Variants in CYLC2 observed in about 807,000 individuals in gnomAD.
CYLC2 encodes the protein cylicin-2.
In CYLC2, 30 loss-of-function variants were observed where a neutral mutation model predicts 26.1. The observed-to-expected ratio is 1.15, with a 90% CI of 0.86 to 1.56. The LOEUF is 1.56. Ranked by LOEUF, CYLC2 falls within the 40% of genes most tolerant of loss-of-function variation. The pLI is 0.00. For missense variants in CYLC2, 498 were observed against 394.4 expected (o/e 1.26, Z -2.23); for synonymous variants, 158 against 132.8 (o/e 1.19, Z -1.31).
chr9:103,005,518 C>A lies in CYLC2; in HGVS notation c.887C>A (p.Ala296Asp). The A allele has an allele frequency of 6.2e-7, 1 of 1,612,130 alleles. No homozygotes were observed. The highest frequency in any genetic ancestry group is 8.5e-7 in the Non-Finnish European group (1 of 1,178,988). Reference protein sequence around the residue: ...DDVKKESKKDATKDAKKVAKK... With the variant: ...DDVKKESKKDDTKDAKKVAKK... ...GTCAAGAAAGAGTCTAAGAAGGACG[C>A]CACGAAAGATGCCAAGAAAGTTGCC... Residue 296 changes from alanine (A) to aspartate (D), a missense_variant, in exon 5 of 8, where the codon GCC becomes GAC. Transcript: ENST00000374798.
In CYLC2 at chr9:103,003,210, C is replaced by A; in HGVS notation, c.127C>A (p.Pro43Thr). Residue 43 changes from proline to threonine, a missense_variant, in exon 3 of 8, where the codon CCA (proline) becomes ACA (threonine). Pro to Thr is a conservative substitution (Grantham distance 38, BLOSUM62 -1). Coordinates refer to ENST00000374798, the MANE Select transcript of CYLC2 (RefSeq NM_001340.5). ...FALLFPKPQR[P>T]GTKRRSKPSQ... ...CCTGTTATTTCCCAAACCACAACGG[C>A]CAGGAACCAAAAGGAGATCAAAACC... The A allele has an allele frequency of 6.2e-7, 1 of 1,613,756 alleles. No individual in the cohort carries two copies. The highest frequency in any genetic ancestry group is 8.5e-7 in the Non-Finnish European group (1 of 1,179,862).
Position 103,003,127 on chromosome 9 carries a change from T to A in CYLC2, c.59-15T>A. On this transcript the variant is annotated splice_polypyrimidine_tract_variant and intron_variant, in intron 2 of 7. Coordinates refer to ENST00000374798, the MANE Select transcript of CYLC2 (RefSeq NM_001340.5). ...TATTCACTCCAAAATGTGTTTTTTG[T>A]CTCCCTTATTTTAGTCAGTGAATTA... The A allele has an allele frequency of 2.5e-6, 4 of 1,612,370 alleles. No individual in the cohort carries two copies. The highest frequency in any genetic ancestry group is 3.4e-6 in the Non-Finnish European group (4 of 1,179,284).
At chr9:103,010,291 T>C (rs1829393872) in intron 5 of CYLC2, among the ~76,000 whole-genome samples, 3 of 152,198 alleles carry the variant, frequency 2.0e-5, no homozygotes, top group Non-Finnish European at 4.4e-5. Context: ...TATTGCATAA[T>C]TATAATCATA....
intron 6 of CYLC2, among the ~76,000 whole-genome samples, chr9:103,012,529 T>A (rs771032049): frequency 2.6e-5 from 4 of 152,044 alleles, no homozygotes; most frequent in African/African-American, 7.2e-5. Context: ...CTTTTTTAAA[T>A]AATTCAAATG....
At chr9:103,016,809 A>G (rs1829511065) in intron 6 of CYLC2, 79 bp from the exon 7 acceptor site, 1 of 152,054 alleles carries the variant, frequency 6.6e-6, no homozygotes, top group South Asian at 2.1e-4. Context: ...ATGAGGCCCC[A>G]GTGCATAGCA....
At chr9:102,997,103 G>A (rs1056885631) in intron 1 of CYLC2, among the ~76,000 whole-genome samples, 3 of 151,636 alleles carry the variant, frequency 2.0e-5, no homozygotes, top group Admixed American at 2.0e-4. Context: ...TTACTATCCT[G>A]GTCTAGGGAT....
In CYLC2 at chr9:103,005,746, C is replaced by T; in HGVS notation, c.*68C>T. The stretch of plus-strand genomic sequence containing the variant: ...TATTTGATGAAACAATAGTGGTAGT[C>T]TGCAGCTGAATTTGTGAGAAAACAA... On this transcript the variant is annotated 3_prime_UTR_variant, in exon 5 of 8. Coordinates refer to ENST00000374798, the MANE Select transcript of CYLC2 (RefSeq NM_001340.5). 1.3e-6 allele frequency: 2 copies of T among 1,485,524 alleles called. No individual in the cohort carries two copies. Among genetic ancestry groups the T allele is most frequent in the Non-Finnish European group, 1.8e-6 (2 of 1,107,402 alleles). The allele number at this position is 1,485,524 out of a possible 1,614,324, so 92.0% of individuals were successfully genotyped here.
At chr9:103,014,978 T>C (rs2118274583) in intron 6 of CYLC2, among the ~76,000 whole-genome samples, 1 of 120,384 alleles carries the variant, frequency 8.3e-6, no homozygotes, top group East Asian at 2.5e-4. Context: ...TTATGTAGTA[T>C]ACATAATACA....
chr9:103,014,807 TATATTATGCA>T (rs1198868187), intron 6 of CYLC2, among the ~76,000 whole-genome samples: 2 of 86,888 alleles, frequency 2.3e-5, no homozygotes, highest in Non-Finnish European at 4.4e-5. Context: ...TATACGTATG[TATATTATGCA>T]ATATACATAT....
chr9:102,997,868 G>T (rs994856471), intron 1 of CYLC2, among the ~76,000 whole-genome samples: 2 of 151,800 alleles, frequency 1.3e-5, no homozygotes, highest in African/African-American at 4.8e-5. Flanking sequence ...CTTGGTTAAA[G>T]GTTTACCCCT....
At chr9:103,012,462 G>A (rs1184388847) in intron 6 of CYLC2, among the ~76,000 whole-genome samples, 1 of 151,864 alleles carries the variant, frequency 6.6e-6, no homozygotes, top group Non-Finnish European at 1.5e-5. Context: ...ATTTTCTAAG[G>A]GAGCACAGTT....
rs10990430 is a variant in CYLC2 at position 103,009,623 on chromosome 9, T to A, written c.*701-2359T>A. ...TTTTAAATGTACAGTTATTACTGACTATAGTCATTCCAATGTGCTATCAAA... is the reference window on the plus strand; with the variant it reads ...TTTTAAATGTACAGTTATTACTGACAATAGTCATTCCAATGTGCTATCAAA... On this transcript the variant is annotated intron_variant, in intron 5 of 7. Coordinates refer to ENST00000374798, the MANE Select transcript of CYLC2 (RefSeq NM_001340.5). 0.011 allele frequency among the ~76,000 whole-genome samples: 1,656 copies of A among 152,252 alleles called. 102 individuals are homozygous for A. The East Asian group carries it at 0.2, about 18-fold the overall frequency.
At chr9:103,004,015 T>C (rs1829314488) in intron 3 of CYLC2, among the ~76,000 whole-genome samples, 1 of 152,194 alleles carries the variant, frequency 6.6e-6, no homozygotes, top group African/African-American at 2.4e-5. Flanking sequence ...AGTTCTTTTT[T>C]TCTTGCTGAA....
chr9:103,003,209 G>T lies in CYLC2; in HGVS notation c.126G>T (p.Arg42=). The T allele has an allele frequency of 6.2e-7, 1 of 1,613,780 alleles. No individual in the cohort carries two copies. Among genetic ancestry groups the T allele is most frequent in the East Asian group, 2.2e-5 (1 of 44,832 alleles). The change falls in exon 3 of 8, where the codon CGG becomes CGT. Residue 42 remains arginine (R), a synonymous_variant. Transcript: ENST00000374798. ...CCCTGTTATTTCCCAAACCACAACG[G>T]CCAGGAACCAAAAGGAGATCAAAAC... is the stretch of plus-strand genomic sequence containing the variant. ...HFALLFPKPQ[R]PGTKRRSKPS... is the part of the protein sequence containing the mutation.
chr9:103,014,557 ACAT>A (rs1414379499), intron 6 of CYLC2, among the ~76,000 whole-genome samples: 1 of 143,638 alleles, frequency 7.0e-6, no homozygotes, highest in Non-Finnish European at 1.5e-5. Context: ...TATGCAGTAT[ACAT>A]CATATGTATA....
intron 7 of CYLC2, among the ~76,000 whole-genome samples, chr9:103,017,356 G>T (rs532480937): frequency 6.6e-6 from 1 of 151,864 alleles, no homozygotes; most frequent in South Asian, 2.1e-4. Context: ...CAAAGTAAAG[G>T]GCATCTGCAG....
chr9:103,011,036 C>T (rs929011775), intron 5 of CYLC2, among the ~76,000 whole-genome samples: 1 of 152,168 alleles, frequency 6.6e-6, no homozygotes, highest in African/African-American at 2.4e-5. Context: ...AAAATAACAA[C>T]TAGATATAAG....
chr9:103,003,756 T>C (rs368738493), intron 3 of CYLC2, among the ~76,000 whole-genome samples: 1 of 152,106 alleles, frequency 6.6e-6, no homozygotes, highest in East Asian at 1.9e-4. Context: ...TTAGAGTTAG[T>C]GTGAACATTC....
At chr9:103,001,495 C>T in intron 1 of CYLC2, 83 bp from the exon 2 acceptor site, 2 of 748,450 alleles carry the variant, frequency 2.7e-6, no homozygotes, top group Non-Finnish European at 4.5e-6. Flanking sequence ...TTGTTGGTTG[C>T]AGGTACTGGA....
Sources: allele counts gnomAD v4.1 joint callset (sites outside exome capture counted in the v4.1 genomes callset), GRCh38; gene constraint gnomAD v4.1.1; transcripts MANE v1.5; gene names NCBI Gene and HGNC (gene_info 2026-07-23, HGNC 2026-07-21).